The following KLF6 variants were observed in gnomAD, a reference collection of about 807,000 sequenced individuals.
KLF6 encodes KLF transcription factor 6.
For missense variants in KLF6, 233 were observed against 359.8 expected (o/e 0.65, Z 2.85); for synonymous variants, 152 against 147.9 (o/e 1.03, Z -0.20).
At chr10:3,783,537 C>A (rs758468065) in intron 1 of KLF6, among the ~76,000 whole-genome samples, 1 of 152,178 alleles carries the variant, frequency 6.6e-6, no homozygotes, top group African/African-American at 2.4e-5. Flanking sequence ...ATCCCTCCCC[C>A]TCCCCAGGCT....
intron 3 of KLF6, 144 bp downstream of exon 3, chr10:3,779,962 A>T: frequency 9.2e-7 from 1 of 1,092,578 alleles, no homozygotes; most frequent in Non-Finnish European, 1.4e-6. Context: ...AAACTTTCTA[A>T]AAAGTCCCAG....
intron 1 of KLF6, among the ~76,000 whole-genome samples, chr10:3,784,537 A>G (rs974533062): frequency 2.0e-5 from 3 of 152,190 alleles, no homozygotes; most frequent in Admixed American, 2.0e-4. Context: ...ACTGTTAAGT[A>G]CAAGCACCAA....
chr10:3,781,467 G>T lies in KLF6; in HGVS notation c.676+174C>A. 6.5e-7 allele frequency: 1 copy of T among 1,545,722 alleles called. No homozygotes were observed. The highest frequency in any genetic ancestry group is 8.7e-7 in the Non-Finnish European group (1 of 1,145,290). On this transcript the variant is annotated intron_variant, in intron 2 of 3. Transcript: ENST00000497571. This position sits in a 1 kb window ranked among gnomAD's most constrained non-coding sequence, Gnocchi z 5.8. ...TCCAACTCAAAAGTCCAGTCTTTAG[G>T]ATTCTACTCTGAACTCCAAAAAGAC...
Position 3,776,984 on chromosome 10 carries a change from G to A in KLF6, c.*2555C>T, listed in dbSNP as rs1282925284. 1.9e-6 allele frequency: 1 copy of A among 517,754 alleles called. No individual in the cohort carries two copies. Among genetic ancestry groups the A allele is most frequent in the Non-Finnish European group, 3.8e-6 (1 of 266,630 alleles). 32.1% of individuals were successfully genotyped at this position (517,754 alleles called of 1,614,324 possible). A position where few individuals can be genotyped will look rare whatever the true frequency, so the allele number is the denominator to read the frequency against. On this transcript the variant is annotated 3_prime_UTR_variant, in exon 4 of 4. Transcript: ENST00000497571. ...CTTCTTGCTTAATGGAATTGTTATG[G>A]CTAAGCACATAGAAGGCCAAAAAAG...
chr10:3,785,121 T>C lies in KLF6; in HGVS notation c.-107A>G, dbSNP rs1471439507. 2.6e-6 allele frequency: 4 copies of C among 1,559,438 alleles called. No individual in the cohort carries two copies. Among genetic ancestry groups the C allele is most frequent in the Admixed American group, 3.8e-5 (2 of 52,250 alleles). On this transcript the variant is annotated 5_prime_UTR_variant, in exon 1 of 4. Transcript: ENST00000497571. ...GCGCAGGTGAAAGTTTCATGCAAAC[T>C]CCAGGCTCGCAGAGACGCCCGGCCG...
rs1177760782 is a variant in KLF6 at position 3,780,067 on chromosome 10, C to T, written c.800+39G>A. On this transcript the variant is annotated intron_variant, in intron 3 of 3. Transcript: ENST00000497571. This position sits in a 1 kb window ranked among gnomAD's most constrained non-coding sequence, Gnocchi z 4.6. The stretch of plus-strand genomic sequence containing the variant: ...AACCCTGGTCATCACATTCCCAAGG[C>T]CCCACGCTCCTTGCCCAGCATTGTC... 6.2e-7 allele frequency: 1 copy of T among 1,613,052 alleles called. No homozygotes were observed. Among genetic ancestry groups the T allele is most frequent in the Non-Finnish European group, 8.5e-7 (1 of 1,179,430 alleles).
rs1198899088 is a variant in KLF6, at chr10:3,781,456, C to G, written c.676+185G>C. On this transcript the variant is annotated intron_variant, in intron 2 of 3. Transcript: ENST00000497571. The surrounding 1 kb of genome is among the most constrained non-coding windows in gnomAD (Gnocchi z 5.8). The stretch of plus-strand genomic sequence containing the variant: ...TTACACATTTATCCAACTCAAAAGT[C>G]CAGTCTTTAGGATTCTACTCTGAAC... The G allele has an allele frequency of 4.6e-6, 7 of 1,536,832 alleles. No homozygotes were observed. The highest frequency in any genetic ancestry group is 2.4e-5 in the South Asian group (2 of 82,248).
Position 3,782,559 on chromosome 10 carries a change from C to A in KLF6, c.103-345G>T, listed in dbSNP as rs927576183. ...TGAAACCAGAGGAAGAGAACCGGCC[C>A]CATACACATACTCCTCCCCAACAGG... On this transcript the variant is annotated intron_variant, in intron 1 of 3. Transcript: ENST00000497571. This position sits in a 1 kb window ranked among gnomAD's most constrained non-coding sequence, Gnocchi z 4.3. Among the ~76,000 whole-genome samples the A allele has an allele frequency of 6.6e-6, 1 of 152,192 alleles. No individual in the cohort carries two copies. Among genetic ancestry groups the A allele is most frequent in the African/African-American group, 2.4e-5 (1 of 41,438 alleles).
At chr10:3,784,891 A>G in intron 1 of KLF6, 22 bp downstream of exon 1, 1 of 1,588,084 alleles carries the variant, frequency 6.3e-7, no homozygotes. Flanking sequence ...GCCCGCAGGG[A>G]ACCGCGGCCG....
Position 3,777,760 on chromosome 10 carries a change from A to T in KLF6, c.*1779T>A, listed in dbSNP as rs1453998869. On this transcript the variant is annotated 3_prime_UTR_variant, in exon 4 of 4. Transcript: ENST00000497571. ...TATTTATATATTATCTATATATATA[A>T]TATATATATATACACACATACACAT... 7.5e-6 allele frequency: 2 copies of T among 267,942 alleles called. No individual in the cohort carries two copies. Among genetic ancestry groups the T allele is most frequent in the Admixed American group, 5.1e-5 (1 of 19,542 alleles). The allele number at this position is 267,942 out of a possible 1,614,324, so 16.6% of individuals were successfully genotyped here.
rs1193710429 is a variant in KLF6, at chr10:3,779,295, G to A, written c.*244C>T. On this transcript the variant is annotated 3_prime_UTR_variant, in exon 4 of 4. Transcript: ENST00000497571. Reference sequence around the variant, plus strand: ...GTGCATGCTCACGGCAAAGGCTTAGGCGCCGCTCGGAAGGGCGGGTACCAG... The same window carrying A: ...GTGCATGCTCACGGCAAAGGCTTAGACGCCGCTCGGAAGGGCGGGTACCAG... The A allele has an allele frequency of 1.8e-5, 12 of 652,478 alleles. No individual in the cohort carries two copies. In the Admixed American group the frequency reaches 2.5e-4, roughly 13 times the overall value. 40.4% of individuals were successfully genotyped at this position (652,478 alleles called of 1,614,324 possible). A position where few individuals can be genotyped will look rare whatever the true frequency, so the allele number is the denominator to read the frequency against.
In KLF6 at chr10:3,777,178, A is replaced by T. The variant is rs746272411; in HGVS notation, c.*2361T>A. 5.8e-6 allele frequency: 3 copies of T among 515,184 alleles called. No homozygotes were observed. The highest frequency in any genetic ancestry group is 4.6e-5 in the South Asian group (3 of 64,978). 31.9% of individuals were successfully genotyped at this position (515,184 alleles called of 1,614,324 possible). The stretch of plus-strand genomic sequence containing the variant: ...CGTTAGTCACTGCTCATTTCCAGGA[A>T]GATCAAACAAAATACCAGCCCAGCC... On this transcript the variant is annotated 3_prime_UTR_variant, in exon 4 of 4. Transcript: ENST00000497571.
In KLF6 at chr10:3,779,094, G is replaced by A; in HGVS notation, c.*445C>T. ...AGGTGCAGACACCCCCTCCCCCCAAGGAAATGATTGGTGGTCATCTCATCT... is the reference window on the plus strand; with the variant it reads ...AGGTGCAGACACCCCCTCCCCCCAAAGAAATGATTGGTGGTCATCTCATCT... On this transcript the variant is annotated 3_prime_UTR_variant, in exon 4 of 4. Transcript: ENST00000497571. The A allele has an allele frequency of 3.7e-6, 2 of 535,804 alleles. No homozygotes were observed. Among genetic ancestry groups the A allele is most frequent in the Admixed American group, 2.2e-5 (1 of 45,026 alleles). 33.2% of individuals were successfully genotyped at this position (535,804 alleles called of 1,614,324 possible).
At chr10:3,783,763 G>A (rs1396069147) in intron 1 of KLF6, among the ~76,000 whole-genome samples, 1 of 152,182 alleles carries the variant, frequency 6.6e-6, no homozygotes, top group African/African-American at 2.4e-5. Context: ...TTACGCTGAT[G>A]AGCACCCGGG....
At chr10:3,783,797 T>C (rs1223860872) in intron 1 of KLF6, among the ~76,000 whole-genome samples, 1 of 150,960 alleles carries the variant, frequency 6.6e-6, no homozygotes, top group Non-Finnish European at 1.5e-5. Flanking sequence ...TCTCGGAGAG[T>C]TTAAAAGCCT....
In KLF6 at chr10:3,781,460, T is replaced by G. The variant is rs1021337919; in HGVS notation, c.676+181A>C. 1.3e-6 allele frequency: 2 copies of G among 1,539,162 alleles called. No individual in the cohort carries two copies. The highest frequency in any genetic ancestry group is 2.8e-5 in the African/African-American group (2 of 72,278). On this transcript the variant is annotated intron_variant, in intron 2 of 3. Coordinates refer to ENST00000497571, the MANE Select transcript of KLF6 (RefSeq NM_001300.6). The surrounding 1 kb of genome is among the most constrained non-coding windows in gnomAD (Gnocchi z 5.8). Reference sequence around the variant, plus strand: ...ACATTTATCCAACTCAAAAGTCCAGTCTTTAGGATTCTACTCTGAACTCCA... The same window carrying G: ...ACATTTATCCAACTCAAAAGTCCAGGCTTTAGGATTCTACTCTGAACTCCA...
rs1240030955 is a variant in KLF6 at position 3,780,781 on chromosome 10, C to T, written c.677-552G>A. The T allele has an allele frequency of 1.1e-5, 2 of 185,136 alleles. No individual in the cohort carries two copies. The highest frequency in any genetic ancestry group is 4.7e-5 in the African/African-American group (2 of 42,810). 11.5% of individuals were successfully genotyped at this position (185,136 alleles called of 1,614,324 possible). On this transcript the variant is annotated intron_variant, in intron 2 of 3. Coordinates refer to ENST00000497571, the MANE Select transcript of KLF6 (RefSeq NM_001300.6). This position sits in a 1 kb window ranked among gnomAD's most constrained non-coding sequence, Gnocchi z 4.6. ...GGTTCACTTCATTCCTTGGTCAAATCATAAATATGAATTTACTACAAGTGC... is the reference window on the plus strand; with the variant it reads ...GGTTCACTTCATTCCTTGGTCAAATTATAAATATGAATTTACTACAAGTGC...
rs1382458865 is a variant in KLF6, at chr10:3,776,277, C to T, written c.*3262G>A. Reference sequence around the variant, plus strand: ...TGGCTTGAGCAATGGAAGATCAAACCGGCATGGTTCCCTACTGTGCCCACA... The same window carrying T: ...TGGCTTGAGCAATGGAAGATCAAACTGGCATGGTTCCCTACTGTGCCCACA... On this transcript the variant is annotated 3_prime_UTR_variant, in exon 4 of 4. Transcript: ENST00000497571. 9.4e-6 allele frequency: 5 copies of T among 532,868 alleles called. No individual in the cohort carries two copies. Among genetic ancestry groups the T allele is most frequent in the Non-Finnish European group, 1.8e-5 (5 of 275,436 alleles). The allele number at this position is 532,868 out of a possible 1,614,324, so 33.0% of individuals were successfully genotyped here.
At position 3,780,278 on chromosome 10, in the gene KLF6, G is replaced by C. The variant is rs903954839; in HGVS notation, c.677-49C>G. 3.7e-6 allele frequency: 6 copies of C among 1,608,364 alleles called. No homozygotes were observed. In the African/African-American group the frequency reaches 4.0e-5, roughly 11 times the overall value. The stretch of plus-strand genomic sequence containing the variant: ...CAGCCCATGACTTCACTGACCCGCA[G>C]ACGGAAAGGGGAAATTCAACAACAC... On this transcript the variant is annotated intron_variant, in intron 2 of 3. Transcript: ENST00000497571. This position sits in a 1 kb window ranked among gnomAD's most constrained non-coding sequence, Gnocchi z 4.6.
Sources: gnomAD v4.1 joint callset for allele counts (sites outside exome capture counted in the v4.1 genomes callset) on GRCh38, gnomAD v4.1.1 for gene constraint, Gnocchi (gnomAD v3.1) non-coding constraint, MANE v1.5 for transcripts, NCBI Gene and HGNC (gene_info 2026-07-23, HGNC 2026-07-21) for gene names.